ITGAE: variants seen among roughly 807,000 people sequenced by gnomAD.
ITGAE encodes the protein integrin alpha-E.
In ITGAE, 99 loss-of-function variants were observed where a neutral mutation model predicts 136.5. The observed-to-expected ratio is 0.73, with a 90% CI of 0.62 to 0.86. The LOEUF is 0.86. Among genes scored for constraint, ITGAE ranks in the 40% least tolerant of loss-of-function variants. The pLI is 0.00. For missense variants in ITGAE, 1,447 were observed against 1,515.3 expected (o/e 0.95, Z 0.75); for synonymous variants, 613 against 591.8 (o/e 1.04, Z -0.52).
rs770560031 is a variant in ITGAE, at chr17:3,751,882, GCAAA to G, written c.1669-12_1669-9del. The stretch of plus-strand genomic sequence containing the variant: ...CAAGGAGAAAGAACCATCCTGTAAA[GCAAA>G]CAAACAGCTCAGCCCTCAAGAAGGG... On this transcript the variant is annotated splice_polypyrimidine_tract_variant and intron_variant, in intron 14 of 30. Coordinates refer to ENST00000263087, the MANE Select transcript of ITGAE (RefSeq NM_002208.5). 5 of 1,611,024 alleles carry G rather than the reference GCAAA, an allele frequency of 3.1e-6. No individual in the cohort carries two copies. In the Admixed American group the frequency reaches 5.0e-5, roughly 16 times the overall value.
At chr17:3,737,037 T>C (rs1047291345) in intron 20 of ITGAE, among the ~76,000 whole-genome samples, 1 of 149,588 alleles carries the variant, frequency 6.7e-6, no homozygotes, top group Non-Finnish European at 1.5e-5. Context: ...CTCACGCCTG[T>C]AATCCCAGCA....
chr17:3,787,089 A>C (rs1451703030), intron 1 of ITGAE, among the ~76,000 whole-genome samples: 1 of 150,670 alleles, frequency 6.6e-6, no homozygotes, highest in Non-Finnish European at 1.5e-5. Flanking sequence ...AAGTCCTAGC[A>C]AACCAGGAAT....
At chr17:3,783,533 A>C (rs1216176987) in intron 1 of ITGAE, among the ~76,000 whole-genome samples, 1 of 152,224 alleles carries the variant, frequency 6.6e-6, no homozygotes, top group Non-Finnish European at 1.5e-5. Flanking sequence ...TTTTATATTC[A>C]AAGTATTGTT....
chr17:3,721,244 A>C, intron 28 of ITGAE, among the ~76,000 whole-genome samples: 1 of 127,202 alleles, frequency 7.9e-6, no homozygotes, highest in African/African-American at 3.0e-5. Context: ...ATTTTATTTA[A>C]CGTAAGAGAT....
rs765457783 is a variant in ITGAE, at chr17:3,743,507, C to T, written c.2430G>A (p.Glu810=). The T allele has an allele frequency of 3.1e-6, 5 of 1,601,094 alleles. No individual in the cohort carries two copies. The East Asian group carries it at 1.1e-4, about 36-fold the overall frequency. The part of the protein sequence containing the change: ...HPQPILDRYT[E]PFAIFQLPYE... ...GAGTCACCTGGAAGATGGCAAAGGGCTCAGTGTAGCGGTCCAGGATGGGCT... is the reference window on the plus strand; with the variant it reads ...GAGTCACCTGGAAGATGGCAAAGGGTTCAGTGTAGCGGTCCAGGATGGGCT... Residue 810 remains glutamate, a synonymous_variant, in exon 19 of 31, where the codon GAG becomes GAA. Coordinates refer to ENST00000263087, the MANE Select transcript of ITGAE (RefSeq NM_002208.5).
chr17:3,777,022 G>A (rs1348730933), intron 2 of ITGAE, among the ~76,000 whole-genome samples: 4 of 149,600 alleles, frequency 2.7e-5, no homozygotes, highest in Non-Finnish European at 4.4e-5. Context: ...GTGCAGTGGC[G>A]CCATCTCGGT....
chr17:3,761,777 T>C, intron 4 of ITGAE, 138 bp downstream of exon 4: 1 of 781,316 alleles, frequency 1.3e-6, no homozygotes, highest in Non-Finnish European at 2.1e-6. Flanking sequence ...CAGTCAGCCC[T>C]GGGGTTGGCA....
At position 3,747,927 on chromosome 17, in the gene ITGAE, T is replaced by C. The variant is rs752202819; in HGVS notation, c.2150A>G (p.Glu717Gly). The C allele has an allele frequency of 1.9e-6, 3 of 1,573,862 alleles. No individual in the cohort carries two copies. The change falls in exon 17 of 31, where the codon GAG becomes GGG. Residue 717 changes from glutamate to glycine, a missense_variant. Glu to Gly is a moderately conservative substitution (Grantham distance 98). Coordinates refer to ENST00000263087, the MANE Select transcript of ITGAE (RefSeq NM_002208.5). ...FEISSVTTAS[E>G]SGLREALLNF... ...CAGCTGGACCATTTTTTTACCTGACTCAGAGGCTGTGGTTACAGAGCTGAT... is the reference window on the plus strand; with the variant it reads ...CAGCTGGACCATTTTTTTACCTGACCCAGAGGCTGTGGTTACAGAGCTGAT...
chr17:3,724,711 T>C (rs2051164602), intron 26 of ITGAE: 1 of 1,614,150 alleles, frequency 6.2e-7, no homozygotes, highest in Non-Finnish European at 8.5e-7. Flanking sequence ...GATTCTGAGT[T>C]TCGGGCAGAT....
chr17:3,790,370 A>G (rs9902417), intron 1 of ITGAE, among the ~76,000 whole-genome samples: 124,771 of 151,846 alleles, frequency 0.82, 52,082 homozygotes, highest in African/African-American at 0.9. Flanking sequence ...AGCTGGGCGT[A>G]GTGGCGCATG....
intron 25 of ITGAE, 36 bp from the exon 26 acceptor site, chr17:3,728,062 G>T: frequency 1.3e-6 from 2 of 1,590,130 alleles, no homozygotes; most frequent in Non-Finnish European, 8.6e-7. Flanking sequence ...ATCAAAGCTG[G>T]TATTGCTTTG....
chr17:3,780,749 G>A (rs780878602), intron 1 of ITGAE, among the ~76,000 whole-genome samples: 16 of 152,056 alleles, frequency 1.1e-4, no homozygotes, highest in Non-Finnish European at 2.4e-4. Flanking sequence ...TGCCCTGGCT[G>A]GAGTGCAGTG....
chr17:3,759,251 G>T, intron 8 of ITGAE, 151 bp downstream of exon 8: 1 of 822,236 alleles, frequency 1.2e-6, no homozygotes, highest in Non-Finnish European at 1.9e-6. Context: ...GGACAGCCTT[G>T]AGGTGTCATC....
chr17:3,762,340 T>C (rs1367962941), intron 3 of ITGAE, among the ~76,000 whole-genome samples: 8 of 152,176 alleles, frequency 5.3e-5, no homozygotes, highest in African/African-American at 1.4e-4. Context: ...GCCTGGTGGG[T>C]ATGTAAGTGC....
chr17:3,744,585 C>A (rs2051669085), intron 18 of ITGAE, among the ~76,000 whole-genome samples: 1 of 151,998 alleles, frequency 6.6e-6, no homozygotes, highest in Non-Finnish European at 1.5e-5. Context: ...GCTGGGACTA[C>A]AGGTGCATGC....
chr17:3,751,406 C>T (rs2051862117), intron 15 of ITGAE, among the ~76,000 whole-genome samples: 1 of 151,648 alleles, frequency 6.6e-6, no homozygotes, highest in Non-Finnish European at 1.5e-5. Context: ...CACAACCTCC[C>T]CTGAACCTGA....
At chr17:3,716,134 G>A (rs372732622) in intron 30 of ITGAE, among the ~76,000 whole-genome samples, 5 of 151,356 alleles carry the variant, frequency 3.3e-5, no homozygotes, top group South Asian at 4.2e-4. Context: ...TCGCACCACC[G>A]CACTCAAGCC....
intron 1 of ITGAE, among the ~76,000 whole-genome samples, chr17:3,789,253 A>G (rs1242694321): frequency 7.9e-5 from 12 of 152,150 alleles, no homozygotes; most frequent in Admixed American, 7.2e-4. Context: ...TCCAAAAAAA[A>G]GAAACGAAAA....
intron 8 of ITGAE, among the ~76,000 whole-genome samples, chr17:3,758,216 C>T (rs974833033): frequency 6.6e-6 from 1 of 152,160 alleles, no homozygotes; most frequent in Non-Finnish European, 1.5e-5. Flanking sequence ...GCCATCCAAC[C>T]ATCACAAAAT....
Sources: allele counts gnomAD v4.1 joint callset (sites outside exome capture counted in the v4.1 genomes callset), GRCh38; gene constraint gnomAD v4.1.1; transcripts MANE v1.5; gene names NCBI Gene and HGNC (gene_info 2026-07-23, HGNC 2026-07-21).